Variants in AATK observed in about 807,000 individuals in gnomAD.
AATK encodes the protein lemur tail kinase 1.
A neutral mutation model predicts 114.3 loss-of-function variants in AATK; 91 were observed. The ratio of observed to expected loss-of-function variants is 0.80; its 90% CI spans 0.67 to 0.95. The LOEUF is 0.95. Among genes scored for constraint, AATK ranks in the 40% least tolerant of loss-of-function variants. The pLI, the probability that AATK is intolerant of heterozygous loss-of-function variation, is 0.00. For missense variants in AATK, 2,176 were observed against 1,965.2 expected, an observed-to-expected ratio of 1.11 and a Z score of -2.03; for synonymous variants, 1,075 against 916.5, an observed-to-expected ratio of 1.17 and a Z score of -3.12.
rs559970753 is a variant in AATK, at chr17:81,126,089, G to A, written c.755+338C>T. ...CCTCCCTCCAGGGTCCTTCGAAGCAGGGTCTGTCTCCCTCAAGCCCCAAAG... is the reference window on the plus strand; with the variant it reads ...CCTCCCTCCAGGGTCCTTCGAAGCAAGGTCTGTCTCCCTCAAGCCCCAAAG... On this transcript the variant is annotated intron_variant, in intron 7 of 13. Coordinates refer to ENST00000326724, the MANE Select transcript of AATK (RefSeq NM_001080395.3). This position sits in a 1 kb window ranked among gnomAD's most constrained non-coding sequence, Gnocchi z 5.1. The A allele has an allele frequency of 1.1e-3, 560 of 494,386 alleles. 3 individuals are homozygous for A. The highest frequency in any genetic ancestry group is 8.1e-3 in the Middle Eastern group (14 of 1,732). The allele number at this position is 494,386 out of a possible 1,614,324, so 30.6% of individuals were successfully genotyped here. A position where few individuals can be genotyped will look rare whatever the true frequency, so the allele number is the denominator to read the frequency against.
chr17:81,119,260 G>GCGGGGCCGGGAAGGAT, intron 13 of AATK, 120 bp downstream of exon 13: 1 of 1,054,264 alleles, frequency 9.5e-7, no homozygotes, highest in Non-Finnish European at 1.3e-6. Context: ...CCGGGAAGGA[G>GCGGGGCCGGGAAGGAT]CGGAGCGGAG....
chr17:81,128,028 G>A, intron 4 of AATK, 118 bp from the exon 5 acceptor site: 2 of 1,274,258 alleles, frequency 1.6e-6, no homozygotes, highest in Non-Finnish European at 2.2e-6. Flanking sequence ...TTCTCCTCCT[G>A]TGCCCCGTCC....
intron 1 of AATK, chr17:81,165,464 C>T (rs916276639): frequency 2.5e-6 from 1 of 397,472 alleles, no homozygotes; most frequent in South Asian, 2.1e-5. Context: ...CCCTGCTCCC[C>T]CCACATCCCC....
rs548877317 is a variant in AATK, at chr17:81,120,204, G to A, written c.3732C>T (p.Asp1244=). ...ACCCCGGGTGGCGGCGGCCCACCTG[G>A]TCAAAGAGGTAGACGGTGACGTCGT... ...FFDDVTVYLF[D]QESPTRELGE... Residue 1244 remains aspartate, a synonymous_variant, in exon 11 of 14, where the codon GAC becomes GAT. Transcript: ENST00000326724. 1.9e-6 allele frequency: 3 copies of A among 1,570,972 alleles called. No homozygotes were observed. In the South Asian group the frequency reaches 3.4e-5, roughly 18 times the overall value.
chr17:81,154,319 CTTTTTT>C (rs202002919), intron 1 of AATK, among the ~76,000 whole-genome samples: 4 of 113,806 alleles, frequency 3.5e-5, no homozygotes, highest in Admixed American at 9.8e-5. Context: ...TTTTTTCTTT[CTTTTTT>C]TTTTTTTTTT....
At chr17:81,133,114 G>C (rs1400011115) in intron 2 of AATK, 2 of 406,496 alleles carry the variant, frequency 4.9e-6, no homozygotes, top group Non-Finnish European at 9.8e-6. Context: ...GCAGGGTGGG[G>C]GCTCTGGGCA....
intron 1 of AATK, among the ~76,000 whole-genome samples, chr17:81,152,972 A>G (rs966538600): frequency 6.6e-6 from 1 of 151,976 alleles, no homozygotes; most frequent in Non-Finnish European, 1.5e-5. Flanking sequence ...TCTCCCGAGT[A>G]GCAAGGATTA....
rs372026732 is a variant in AATK, at chr17:81,120,837, C to T, written c.3099G>A (p.Pro1033=). Residue 1033 remains proline (P), a synonymous_variant, in exon 11 of 14, where the codon CCG becomes CCA. Coordinates refer to ENST00000326724, the MANE Select transcript of AATK (RefSeq NM_001080395.3). ...CAGGCCTGAGACAGACCTGCTCAGA[C>T]GGCTGCCCAGTGCTCGGCAGGCCCA... ...PELGLPSTGQ[P]SEQVCLRPGV... is the part of the protein sequence containing the mutation. 5.3e-5 allele frequency: 83 copies of T among 1,578,734 alleles called. No individual in the cohort carries two copies. Among genetic ancestry groups the T allele is most frequent in the Admixed American group, 1.6e-4 (9 of 55,230 alleles).
intron 1 of AATK, among the ~76,000 whole-genome samples, chr17:81,159,414 G>A (rs115670027): frequency 0.017 from 2,529 of 152,246 alleles, 67 homozygotes; most frequent in African/African-American, 0.058. Flanking sequence ...GCTGCCGCGC[G>A]GGTAAATCCA....
intron 1 of AATK, among the ~76,000 whole-genome samples, chr17:81,135,355 G>A (rs1351730718): frequency 1.3e-5 from 2 of 152,150 alleles, no homozygotes; most frequent in African/African-American, 2.4e-5. Context: ...AGGGCACACT[G>A]ACCCGCTGGC....
At chr17:81,165,900 G>A (rs2061484416) in intron 1 of AATK, 38 bp downstream of exon 1, 8 of 1,561,276 alleles carry the variant, frequency 5.1e-6, no homozygotes, top group Non-Finnish European at 6.1e-6. Flanking sequence ...GCAGCGGAGG[G>A]AGGCAGCGGC....
Position 81,122,400 on chromosome 17 carries a change from G to A in AATK, c.1536C>T (p.Pro512=). Residue 512 remains proline, a synonymous_variant, in exon 11 of 14, where the codon CCC becomes CCT. Transcript: ENST00000326724. ...CGCTGAGCACCGGAACCACGCCCGG[G>A]GGCGCGCCGTCGGGGGCGCACAGCT... ...LQELCAPDGA[P]PGVVPVLSAH... 3 of 1,473,976 alleles carry A rather than the reference G, an allele frequency of 2.0e-6. No homozygotes were observed. Among genetic ancestry groups the A allele is most frequent in the South Asian group, 1.3e-5 (1 of 79,036 alleles). 91.3% of individuals were successfully genotyped at this position (1,473,976 alleles called of 1,614,324 possible). A position where few individuals can be genotyped will look rare whatever the true frequency, so the allele number is the denominator to read the frequency against.
intron 1 of AATK, among the ~76,000 whole-genome samples, chr17:81,164,172 A>G (rs2061458155): frequency 6.6e-6 from 1 of 152,218 alleles, no homozygotes; most frequent in African/African-American, 2.4e-5. Context: ...CATGTCATAG[A>G]TGGGAAAACC....
In AATK at chr17:81,121,103, C is replaced by T; in HGVS notation, c.2833G>A (p.Glu945Lys). The T allele has an allele frequency of 6.2e-7, 1 of 1,605,644 alleles. No homozygotes were observed. Among genetic ancestry groups the T allele is most frequent in the South Asian group, 1.1e-5 (1 of 90,190 alleles). The change falls in exon 11 of 14, where the codon GAG becomes AAG. Residue 945 changes from glutamate to lysine, a missense_variant. Glu to Lys is a moderately conservative substitution (Grantham distance 56). This residue lies in a region of AATK where 1,701 missense variants were observed against 1,394.7 expected (regional missense o/e 1.22). Coordinates refer to ENST00000326724, the MANE Select transcript of AATK (RefSeq NM_001080395.3). ...TCCTTGAGCACAAACTCAGGGGACT[C>T]ATAGTTCTCGGTGTCATAGCCACTG... The part of the protein sequence containing the change: ...LDSGYDTENY[E>K]SPEFVLKEAQ...
chr17:81,128,001 C>T (rs1258321789), intron 4 of AATK, 91 bp from the exon 5 acceptor site: 9 of 1,474,306 alleles, frequency 6.1e-6, no homozygotes, highest in East Asian at 4.9e-5. Flanking sequence ...CCCACGCCGG[C>T]CCCCAGGACA....
Position 81,120,391 on chromosome 17 carries a change from T to TCCTG in AATK, c.3541_3544dup (p.Glu1182AlafsTer4). 1 of 1,605,082 alleles carries TCCTG rather than the reference T, an allele frequency of 6.2e-7. No individual in the cohort carries two copies. The highest frequency in any genetic ancestry group is 8.5e-7 in the Non-Finnish European group (1 of 1,175,870). ...CTCCTCTTCGCTGTCCTCGCTAGGC[T>TCCTG]CCTGGACGCTGTAGCAGCGGAGCTC... On this transcript the variant is annotated frameshift_variant, in exon 11 of 14. Transcript: ENST00000326724. LOFTEE classifies it high-confidence loss of function.
Position 81,120,441 on chromosome 17 carries a change from A to G in AATK, c.3495T>C (p.Ser1165=), listed in dbSNP as rs768583972. ...CCTCGTCAGACTCGTCGCTGTCCTC[A>G]CTGTCCTCCTCCTCCTCCTCCGGCC... ...EGRPEEEEED[S]EDSDESDEEL... Residue 1165 remains serine, a synonymous_variant, in exon 11 of 14, where the codon AGT becomes AGC. Coordinates refer to ENST00000326724, the MANE Select transcript of AATK (RefSeq NM_001080395.3). 5.7e-6 allele frequency: 9 copies of G among 1,570,880 alleles called. No individual in the cohort carries two copies. The highest frequency in any genetic ancestry group is 3.5e-5 in the Admixed American group (2 of 56,746).
chr17:81,120,275 A>C lies in AATK; in HGVS notation c.3661T>G (p.Phe1221Val), dbSNP rs377359465. The stretch of plus-strand genomic sequence containing the variant: ...TTCTTGCGTTCCAGGTCCTCGCAGA[A>C]GGTCTCGGACAGCAGGCTGGGCATC... Reference protein sequence around the residue: ...LKMPSLLSETFCEDLERKKKA... With the variant: ...LKMPSLLSETVCEDLERKKKA... Residue 1221 changes from phenylalanine (F) to valine (V), a missense_variant, in exon 11 of 14, where the codon TTC becomes GTC. This residue lies in a region of AATK where 1,701 missense variants were observed against 1,394.7 expected (regional missense o/e 1.22). Transcript: ENST00000326724. 1.7e-5 allele frequency: 27 copies of C among 1,603,858 alleles called. No homozygotes were observed. The highest frequency in any genetic ancestry group is 1.6e-4 in the Middle Eastern group (1 of 6,068).
chr17:81,125,688 C>T (rs978576413), intron 7 of AATK, among the ~76,000 whole-genome samples: 4 of 152,156 alleles, frequency 2.6e-5, no homozygotes, highest in Non-Finnish European at 5.9e-5. Flanking sequence ...TGCCGTATTA[C>T]TTCTGTGCTC....
Sources: allele counts gnomAD v4.1 joint callset (sites outside exome capture counted in the v4.1 genomes callset), GRCh38; gene constraint gnomAD v4.1.1; regional missense constraint gnomAD v4.1.1; non-coding constraint Gnocchi (gnomAD v3.1); transcripts MANE v1.5; gene names NCBI Gene and HGNC (gene_info 2026-07-23, HGNC 2026-07-21).